CADPS: variants seen among roughly 807,000 people sequenced by gnomAD.
CADPS encodes the protein calcium-dependent secretion activator 1.
In CADPS, 57 loss-of-function variants were observed where a neutral mutation model predicts 167.3. The observed-to-expected ratio is 0.34, with a 90% CI of 0.28 to 0.42. CADPS has a LOEUF of 0.42. CADPS is among the 20% of genes least tolerant of loss of function. The pLI is 1.00. For synonymous variants in CADPS, 676 were observed against 635.3 expected (o/e 1.06, Z -0.96); for missense variants, 1,414 against 1,738.1 (o/e 0.81, Z 3.32).
At chr3:62,444,554 C>T (rs1231500395) in intron 27 of CADPS, among the ~76,000 whole-genome samples, 4 of 152,138 alleles carry the variant, frequency 2.6e-5, no homozygotes, top group Non-Finnish European at 5.9e-5. Context: ...AAGTTCTCTC[C>T]CTGCTGCAGT....
At chr3:62,785,475 C>G (rs2092329308) in intron 1 of CADPS, among the ~76,000 whole-genome samples, 1 of 152,092 alleles carries the variant, frequency 6.6e-6, no homozygotes, top group Non-Finnish European at 1.5e-5. Context: ...TTGTTGATAC[C>G]AAAGTAACCT....
intron 10 of CADPS, chr3:62,550,823 T>C (rs374798675): frequency 4.4e-5 from 20 of 456,560 alleles, no homozygotes; most frequent in African/African-American, 3.8e-4. Context: ...TTAAAAGCCC[T>C]CATTTTATTG....
At chr3:62,416,387 C>T (rs190109461) in intron 28 of CADPS, among the ~76,000 whole-genome samples, 31 of 152,326 alleles carry the variant, frequency 2.0e-4, no homozygotes, top group Non-Finnish European at 3.8e-4. Flanking sequence ...ACAGGGCTCC[C>T]AGCCCAGCTA....
chr3:62,500,063 T>A (rs1036620558), intron 17 of CADPS: 2 of 152,230 alleles, frequency 1.3e-5, no homozygotes, highest in African/African-American at 4.8e-5. Context: ...AGTTTGACAA[T>A]GTCATTATGT....
At chr3:62,741,474 C>A (rs1443372760) in intron 3 of CADPS, among the ~76,000 whole-genome samples, 1 of 152,124 alleles carries the variant, frequency 6.6e-6, no homozygotes, top group Non-Finnish European at 1.5e-5. Context: ...TCAACATATA[C>A]AAATCGATAA....
chr3:62,535,697 A>T (rs1001145292), intron 12 of CADPS, among the ~76,000 whole-genome samples: 9 of 152,114 alleles, frequency 5.9e-5, no homozygotes, highest in Non-Finnish European at 7.4e-5. Context: ...GGCTTGAGGA[A>T]GAAGTAAATT....
Position 62,753,324 on chromosome 3 carries a change from A to G in CADPS, c.888+117T>C. ...AAACTGTATTCAACTTTTTACCAGT[A>G]GAGTAATAAAATATAAGTTTTAATC... On this transcript the variant is annotated intron_variant, in intron 3 of 29. Transcript: ENST00000383710. The surrounding 1 kb of genome is among the most constrained non-coding windows in gnomAD (Gnocchi z 4.6). 1.4e-6 allele frequency: 1 copy of G among 716,480 alleles called. No individual in the cohort carries two copies. Among genetic ancestry groups the G allele is most frequent in the Non-Finnish European group, 2.3e-6 (1 of 438,686 alleles). The allele number at this position is 716,480 out of a possible 1,614,324, so 44.4% of individuals were successfully genotyped here. A position where few individuals can be genotyped will look rare whatever the true frequency, so the allele number is the denominator to read the frequency against.
chr3:62,769,738 T>G (rs145472769), intron 1 of CADPS, among the ~76,000 whole-genome samples: 3,485 of 152,226 alleles, frequency 0.023, 65 homozygotes, highest in South Asian at 0.061. Flanking sequence ...TAAACTCAAG[T>G]GCTCAGGGGC....
In CADPS at chr3:62,399,334, G is replaced by C; in HGVS notation, c.*72C>G. On this transcript the variant is annotated 3_prime_UTR_variant, in exon 30 of 30. Coordinates refer to ENST00000383710, the MANE Select transcript of CADPS (RefSeq NM_003716.4). The surrounding 1 kb of genome is among the most constrained non-coding windows in gnomAD (Gnocchi z 5.6). ...GGTAGTTGACAGAAAATTCCTAATG[G>C]GTTTAACTAACAGACTAAGGACATG... The C allele has an allele frequency of 1.4e-6, 2 of 1,434,424 alleles. No homozygotes were observed. The highest frequency in any genetic ancestry group is 1.9e-6 in the Non-Finnish European group (2 of 1,035,264). The allele number at this position is 1,434,424 out of a possible 1,614,324, so 88.9% of individuals were successfully genotyped here. A position where few individuals can be genotyped will look rare whatever the true frequency, so the allele number is the denominator to read the frequency against.
At chr3:62,430,023 T>G (rs1052508201) in intron 28 of CADPS, among the ~76,000 whole-genome samples, 3 of 152,170 alleles carry the variant, frequency 2.0e-5, no homozygotes, top group Non-Finnish European at 4.4e-5. Context: ...TGGAAGGAAA[T>G]AGCTAGATTA....
chr3:62,633,424 T>C (rs1204541918), intron 6 of CADPS, among the ~76,000 whole-genome samples: 2 of 152,144 alleles, frequency 1.3e-5, no homozygotes, highest in African/African-American at 2.4e-5. Context: ...CCAAGCCTCC[T>C]GCCTTGACCT....
intron 6 of CADPS, among the ~76,000 whole-genome samples, chr3:62,599,651 TATA>T (rs1374582526): frequency 8.1e-4 from 51 of 63,016 alleles, no homozygotes; most frequent in African/African-American, 2.1e-3. Flanking sequence ...ATATATAATA[TATA>T]ATATAATATA....
chr3:62,765,177 T>G (rs1238829161), intron 2 of CADPS, among the ~76,000 whole-genome samples: 7 of 152,192 alleles, frequency 4.6e-5, no homozygotes, highest in Non-Finnish European at 1.0e-4. Flanking sequence ...CATAATCATG[T>G]AGAAATAATA....
At chr3:62,766,293 T>G (rs1327426733) in intron 1 of CADPS, among the ~76,000 whole-genome samples, 1 of 152,210 alleles carries the variant, frequency 6.6e-6, no homozygotes, top group Admixed American at 6.5e-5. Flanking sequence ...CTTACACCTA[T>G]GGTATTTGCA....
At chr3:62,865,518 A>G (rs545762682) in intron 1 of CADPS, among the ~76,000 whole-genome samples, 1 of 152,176 alleles carries the variant, frequency 6.6e-6, no homozygotes, top group South Asian at 2.1e-4. Context: ...ACATCAATAT[A>G]TTATCAATTT....
chr3:62,814,960 C>T (rs192516962), intron 1 of CADPS, among the ~76,000 whole-genome samples: 163 of 152,212 alleles, frequency 1.1e-3, no homozygotes, highest in Middle Eastern at 6.8e-3. Flanking sequence ...ACAGGTTTTG[C>T]GGGACTTCCG....
chr3:62,768,623 C>T (rs1460381786), intron 1 of CADPS, among the ~76,000 whole-genome samples: 3 of 152,058 alleles, frequency 2.0e-5, no homozygotes, highest in Admixed American at 6.5e-5. Flanking sequence ...CACACTCAAC[C>T]CCTGATCTCA....
intron 28 of CADPS, among the ~76,000 whole-genome samples, chr3:62,415,619 G>A (rs972486431): frequency 2.6e-5 from 4 of 152,154 alleles, no homozygotes; most frequent in Admixed American, 1.3e-4. Flanking sequence ...GGCTGTCAGC[G>A]GGGAGGCAGA....
chr3:62,734,957 G>C (rs1274322006), intron 3 of CADPS, among the ~76,000 whole-genome samples: 1 of 152,128 alleles, frequency 6.6e-6, no homozygotes, highest in Non-Finnish European at 1.5e-5. Context: ...TCAAGGGAAT[G>C]TACAACTAAT....
Sources: allele counts gnomAD v4.1 joint callset (sites outside exome capture counted in the v4.1 genomes callset), GRCh38; gene constraint gnomAD v4.1.1; non-coding constraint Gnocchi (gnomAD v3.1); transcripts MANE v1.5; gene names NCBI Gene and HGNC (gene_info 2026-07-23, HGNC 2026-07-21).